EML6: variants seen among roughly 807,000 people sequenced by gnomAD.
EML6 encodes echinoderm microtubule-associated protein-like 6.
Under a neutral mutation model 240.1 loss-of-function variants are expected in EML6, and 154 were observed. The ratio of observed to expected loss-of-function variants is 0.64; its 90% CI spans 0.56 to 0.73. The LOEUF (loss-of-function observed/expected upper bound fraction) is 0.73. EML6 is among the 30% of genes least tolerant of loss of function. The pLI is 0.00. For synonymous variants in EML6, 1,148 were observed against 899.0 expected, an observed-to-expected ratio of 1.28 and a Z score of -4.95; for missense variants, 2,964 against 2,474.6, an observed-to-expected ratio of 1.20 and a Z score of -4.20.
chr2:54,803,676 A>G (rs1427126265), intron 2 of EML6, among the ~76,000 whole-genome samples: 1 of 152,216 alleles, frequency 6.6e-6, no homozygotes, highest in Non-Finnish European at 1.5e-5. Flanking sequence ...GAAGACTGCC[A>G]TTTTAATGCA....
chr2:54,839,361 G>A (rs1669321969), intron 7 of EML6, among the ~76,000 whole-genome samples: 1 of 152,198 alleles, frequency 6.6e-6, no homozygotes, highest in Admixed American at 6.5e-5. Context: ...GTTATCTAAG[G>A]AATGAGAGTG....
At chr2:54,948,407 G>A (rs960677264) in intron 28 of EML6, among the ~76,000 whole-genome samples, 4 of 152,210 alleles carry the variant, frequency 2.6e-5, no homozygotes, top group East Asian at 3.9e-4. Context: ...GGCCCTTTCC[G>A]CAGCCTGGCT....
chr2:54,726,042 C>T lies in EML6; in HGVS notation c.197+784C>T, dbSNP rs563263578. Among the ~76,000 whole-genome samples, 88 of 152,360 alleles carry T rather than the reference C, an allele frequency of 5.8e-4. 1 individual carries two copies. Among genetic ancestry groups the T allele is most frequent in the East Asian group, 1.7e-3 (9 of 5,190 alleles). ...ATATTGTGATTCTTGGCCCTATCCT[C>T]TCATCTTTGGACCAGACACATTTTC... On this transcript the variant is annotated intron_variant, in intron 2 of 41. Coordinates refer to ENST00000356458, the MANE Select transcript of EML6 (RefSeq NM_001039753.4).
At chr2:54,860,189 T>C (rs1558622519) in intron 12 of EML6, among the ~76,000 whole-genome samples, 2 of 152,096 alleles carry the variant, frequency 1.3e-5, no homozygotes, top group African/African-American at 4.8e-5. Context: ...CCTCTCCCTG[T>C]GGAGAGAATG....
At chr2:54,869,151 C>T (rs1230134962) in intron 14 of EML6, 30 bp from the exon 15 acceptor site, 9 of 1,474,804 alleles carry the variant, frequency 6.1e-6, no homozygotes, top group Non-Finnish European at 8.3e-6. Flanking sequence ...TTTGTTCAAC[C>T]ACTATGCATT....
At chr2:54,883,560 G>A (rs1008287369) in intron 17 of EML6, among the ~76,000 whole-genome samples, 1 of 152,128 alleles carries the variant, frequency 6.6e-6, no homozygotes, top group African/African-American at 2.4e-5. Context: ...TCCTTCCTTC[G>A]TGCTTGCTGG....
rs567933577 is a variant in EML6, at chr2:54,895,489, G to C, written c.2982+89G>C. ...TTGATGCTTAGGTTGCAAAACTTAAGGAGGCACTCACTCTCAGGGTTGCAC... is the reference window on the plus strand; with the variant it reads ...TTGATGCTTAGGTTGCAAAACTTAACGAGGCACTCACTCTCAGGGTTGCAC... On this transcript the variant is annotated intron_variant, in intron 21 of 41. Coordinates refer to ENST00000356458, the MANE Select transcript of EML6 (RefSeq NM_001039753.4). 4 of 1,308,648 alleles carry C rather than the reference G, an allele frequency of 3.1e-6. No individual in the cohort carries two copies. In the South Asian group the frequency reaches 4.1e-5, roughly 13 times the overall value. The allele number at this position is 1,308,648 out of a possible 1,614,324, so 81.1% of individuals were successfully genotyped here.
intron 21 of EML6, among the ~76,000 whole-genome samples, chr2:54,895,768 C>G (rs974286798): frequency 6.6e-6 from 1 of 152,150 alleles, no homozygotes; most frequent in African/African-American, 2.4e-5. Flanking sequence ...AAGTGTAGGA[C>G]TAAAGGCTTT....
chr2:54,849,716 C>T (rs933013765), intron 9 of EML6, among the ~76,000 whole-genome samples: 3 of 152,198 alleles, frequency 2.0e-5, no homozygotes, highest in African/African-American at 7.2e-5. Flanking sequence ...TCTCAATCTC[C>T]TGACCTCGTG....
Position 54,740,477 on chromosome 2 carries a change from C to T in EML6, c.197+15219C>T, listed in dbSNP as rs550251720. On this transcript the variant is annotated intron_variant, in intron 2 of 41. Coordinates refer to ENST00000356458, the MANE Select transcript of EML6 (RefSeq NM_001039753.4). ...GCAATAAGAGGTCATTGATGAATTG[C>T]TTTTACTACATAAACACTGGGAATG... Among the ~76,000 whole-genome samples, 192 of 152,238 alleles carry T rather than the reference C, an allele frequency of 1.3e-3. 1 individual carries two copies. Among genetic ancestry groups the T allele is most frequent in the African/African-American group, 4.4e-3 (184 of 41,554 alleles).
chr2:54,916,852 G>C lies in EML6; in HGVS notation c.3592G>C (p.Ala1198Pro). The change falls in exon 26 of 42, where the codon GCT (alanine) becomes CCT (proline). Residue 1198 changes from alanine to proline, a missense_variant. By Grantham distance (27) the Ala-to-Pro change is conservative (BLOSUM62 -1). Coordinates refer to ENST00000356458, the MANE Select transcript of EML6 (RefSeq NM_001039753.4). ...ACATAGCGATATAACTGACGTAAAT[G>C]CTGCCAGTCTTACCAAAGACTGTTC... Reference protein sequence around the residue: ...PAHSDITDVNAASLTKDCSLL... With the variant: ...PAHSDITDVNPASLTKDCSLL... The C allele has an allele frequency of 6.4e-7, 1 of 1,550,978 alleles. No individual in the cohort carries two copies. The highest frequency in any genetic ancestry group is 8.7e-7 in the Non-Finnish European group (1 of 1,146,428).
chr2:54,885,584 T>C (rs1218289122), intron 17 of EML6, among the ~76,000 whole-genome samples: 5 of 152,216 alleles, frequency 3.3e-5, no homozygotes, highest in Non-Finnish European at 7.3e-5. Context: ...TAATGTATCC[T>C]AGCTCCAATA....
intron 24 of EML6, among the ~76,000 whole-genome samples, chr2:54,909,275 C>T (rs1345014303): frequency 1.3e-5 from 2 of 152,268 alleles, no homozygotes; most frequent in African/African-American, 2.4e-5. Flanking sequence ...TTTAGTTCAT[C>T]GGAAAAGTAT....
In EML6 at chr2:54,827,554, C is replaced by G; in HGVS notation, c.526-12C>G. 6.5e-7 allele frequency: 1 copy of G among 1,548,836 alleles called. No homozygotes were observed. The highest frequency in any genetic ancestry group is 8.7e-7 in the Non-Finnish European group (1 of 1,144,726). The stretch of plus-strand genomic sequence containing the variant: ...TCTATCTTGGAGATCTATTTTATCA[C>G]TTACATTGTAGTTTTGGACACTGTG... On this transcript the variant is annotated splice_polypyrimidine_tract_variant and intron_variant, in intron 5 of 41. Coordinates refer to ENST00000356458, the MANE Select transcript of EML6 (RefSeq NM_001039753.4).
intron 17 of EML6, among the ~76,000 whole-genome samples, chr2:54,886,260 G>C (rs1672135151): frequency 6.9e-6 from 1 of 145,782 alleles, no homozygotes; most frequent in Non-Finnish European, 1.5e-5. Flanking sequence ...CTGCCTCCTG[G>C]GTTCAAGTGA....
At chr2:54,881,635 T>G (rs1573058554) in intron 17 of EML6, 3 of 115,380 alleles carry the variant, frequency 2.6e-5, no homozygotes, top group Admixed American at 1.1e-4. Flanking sequence ...GGTGACAGAG[T>G]GAGACTCCGT....
At chr2:54,822,153 A>G (rs1668363468) in intron 5 of EML6, among the ~76,000 whole-genome samples, 1 of 152,194 alleles carries the variant, frequency 6.6e-6, no homozygotes, top group Admixed American at 6.5e-5. Context: ...CAATAGACTT[A>G]TGAAAATGTT....
chr2:54,853,531 A>G (rs1670205655), intron 10 of EML6, 112 bp from the exon 11 acceptor site: 6 of 725,488 alleles, frequency 8.3e-6, no homozygotes, highest in Middle Eastern at 4.2e-4. Flanking sequence ...AGAGATTAAA[A>G]TATGTAGTTT....
rs141004049 is a variant in EML6 at position 54,755,255 on chromosome 2, G to A, written c.197+29997G>A. 8.3e-4 allele frequency among the ~76,000 whole-genome samples: 126 copies of A among 152,240 alleles called. 2 individuals are homozygous for A. The highest frequency in any genetic ancestry group is 2.7e-3 in the African/African-American group (113 of 41,524). ...GTCTTCATCCTTGCACTGACGCCAC[G>A]CTGTTTTAATTACTGCAGTTTGAAC... On this transcript the variant is annotated intron_variant, in intron 2 of 41. Coordinates refer to ENST00000356458, the MANE Select transcript of EML6 (RefSeq NM_001039753.4).
Sources: allele counts gnomAD v4.1 joint callset (sites outside exome capture counted in the v4.1 genomes callset), GRCh38; gene constraint gnomAD v4.1.1; transcripts MANE v1.5; gene names NCBI Gene and HGNC (gene_info 2026-07-23, HGNC 2026-07-21).